COPB1: variants seen among roughly 807,000 people sequenced by gnomAD.
COPB1 encodes the protein coat protein complex I subunit beta 1, also known as coatomer subunit beta.
A neutral mutation model predicts 108.7 loss-of-function variants in COPB1; 21 were observed. That is an observed-to-expected ratio of 0.19 (90% CI 0.14 to 0.28). COPB1 has a LOEUF of 0.28. COPB1 is among the 10% of genes least tolerant of loss of function. The pLI is 1.00. For missense variants in COPB1, 919 were observed against 1,141.3 expected, an observed-to-expected ratio of 0.81 and a Z score of 2.81; for synonymous variants, 378 against 386.8, an observed-to-expected ratio of 0.98 and a Z score of 0.27.
At chr11:14,470,243 T>A (rs889249530) in intron 14 of COPB1, among the ~76,000 whole-genome samples, 1 of 152,246 alleles carries the variant, frequency 6.6e-6, no homozygotes, top group Non-Finnish European at 1.5e-5. Flanking sequence ...TTTAAAGAAC[T>A]GAGGCCAGTT....
rs796527212 is a variant in COPB1, at chr11:14,476,852, T to C, written c.1455+67A>G. 8.2e-6 allele frequency: 8 copies of C among 970,346 alleles called. No individual in the cohort carries two copies. In the African/African-American group the frequency reaches 9.9e-5, roughly 12 times the overall value. 60.1% of individuals were successfully genotyped at this position (970,346 alleles called of 1,614,324 possible). On this transcript the variant is annotated intron_variant, in intron 12 of 21. Coordinates refer to ENST00000439561, the MANE Select transcript of COPB1 (RefSeq NM_001144061.2). ...TGTAAATAATGTAAGCAAATCACTA[T>C]AAAAAGTCAGATTTTCCTAAAGGAA... is the stretch of plus-strand genomic sequence containing the variant.
At chr11:14,468,894 T>C (rs1476220529) in intron 15 of COPB1, 34 bp from the exon 16 acceptor site, 3 of 1,567,464 alleles carry the variant, frequency 1.9e-6, no homozygotes, top group African/African-American at 1.4e-5. Context: ...CTCTCTTTAA[T>C]ATGAAAAGAT....
At chr11:14,485,048 T>C (rs1850740585) in intron 7 of COPB1, among the ~76,000 whole-genome samples, 1 of 152,222 alleles carries the variant, frequency 6.6e-6, no homozygotes, top group Admixed American at 6.5e-5. Flanking sequence ...TCTCACTGTT[T>C]CACCTAGGCT....
In COPB1 at chr11:14,461,094, T is replaced by G; in HGVS notation, c.2556+92A>C. The G allele has an allele frequency of 3.3e-6, 5 of 1,511,742 alleles. No individual in the cohort carries two copies. In the South Asian group the frequency reaches 5.8e-5, roughly 18 times the overall value. 93.6% of individuals were successfully genotyped at this position (1,511,742 alleles called of 1,614,324 possible). On this transcript the variant is annotated intron_variant, in intron 19 of 21. Coordinates refer to ENST00000439561, the MANE Select transcript of COPB1 (RefSeq NM_001144061.2). ...CTATTTGCTTTTCATGTTAAACACTTTTTAGCGAGATTAATTTTATTAGCA... is the reference window on the plus strand; with the variant it reads ...CTATTTGCTTTTCATGTTAAACACTGTTTAGCGAGATTAATTTTATTAGCA...
At chr11:14,489,939 A>G (rs960440713) in intron 5 of COPB1, among the ~76,000 whole-genome samples, 5 of 152,184 alleles carry the variant, frequency 3.3e-5, no homozygotes, top group Non-Finnish European at 5.9e-5. Flanking sequence ...GATCTGGGGG[A>G]AAAAAGTCAC....
At chr11:14,493,000 G>T (rs1045811658) in intron 4 of COPB1, among the ~76,000 whole-genome samples, 1 of 152,056 alleles carries the variant, frequency 6.6e-6, no homozygotes, top group African/African-American at 2.4e-5. Context: ...ACAAAAATTG[G>T]CTGGGCGTGG....
At chr11:14,461,143 G>A (rs769671425) in intron 19 of COPB1, 43 bp downstream of exon 19, 1 of 1,612,506 alleles carries the variant, frequency 6.2e-7, no homozygotes, top group Admixed American at 1.7e-5. Flanking sequence ...CAGGCAAAAG[G>A]AAGAAAGATA....
At chr11:14,463,801 T>C (rs1010698024) in intron 18 of COPB1, among the ~76,000 whole-genome samples, 1 of 152,214 alleles carries the variant, frequency 6.6e-6, no homozygotes, top group African/African-American at 2.4e-5. Context: ...AAACCTAATC[T>C]GGAAATCTGA....
At chr11:14,489,038 C>T (rs902454277) in intron 5 of COPB1, among the ~76,000 whole-genome samples, 4 of 152,166 alleles carry the variant, frequency 2.6e-5, no homozygotes, top group Admixed American at 6.5e-5. Context: ...TTTCTGATTA[C>T]GCCCCTCAAT....
chr11:14,490,461 A>AACTATAAACAAAATTACTG, intron 5 of COPB1, 104 bp downstream of exon 5: 1 of 624,914 alleles, frequency 1.6e-6, no homozygotes, highest in Non-Finnish European at 2.6e-6. Context: ...AAACCACATG[A>AACTATAAACAAAATTACTG]ACTATAAACA....
At chr11:14,480,133 C>A (rs896842109) in intron 10 of COPB1, among the ~76,000 whole-genome samples, 1 of 152,094 alleles carries the variant, frequency 6.6e-6, no homozygotes, top group Non-Finnish European at 1.5e-5. Flanking sequence ...TTCAAATACA[C>A]AACAAAATGT....
chr11:14,497,831 A>G (rs1008022583), intron 2 of COPB1, among the ~76,000 whole-genome samples: 1 of 152,250 alleles, frequency 6.6e-6, no homozygotes, highest in Non-Finnish European at 1.5e-5. Flanking sequence ...AAAATGTGGT[A>G]CATATACACA....
intron 17 of COPB1, among the ~76,000 whole-genome samples, chr11:14,465,864 A>G (rs1850270118): frequency 6.6e-6 from 1 of 152,026 alleles, no homozygotes; most frequent in Admixed American, 6.6e-5. Flanking sequence ...AAAAAAATGC[A>G]TCTCATATTG....
intron 21 of COPB1, 91 bp downstream of exon 21, chr11:14,458,440 TA>T: frequency 7.8e-7 from 1 of 1,279,054 alleles, no homozygotes; most frequent in Non-Finnish European, 1.1e-6. Context: ...CATCTAATGC[TA>T]AAAAGATACT....
intron 14 of COPB1, among the ~76,000 whole-genome samples, chr11:14,471,305 A>G (rs767566244): frequency 7.2e-5 from 11 of 152,226 alleles, no homozygotes; most frequent in Non-Finnish European, 1.6e-4. Context: ...TCTTGTACCA[A>G]ACAGTGCAAA....
In COPB1 at chr11:14,479,715, CT is replaced by C. The variant is rs754089007; in HGVS notation, c.1213-2del. 2.0e-6 allele frequency: 3 copies of C among 1,482,850 alleles called. No individual in the cohort carries two copies. The highest frequency in any genetic ancestry group is 1.4e-5 in the South Asian group (1 of 71,944). 91.9% of individuals were successfully genotyped at this position (1,482,850 alleles called of 1,614,324 possible). A position where few individuals can be genotyped will look rare whatever the true frequency, so the allele number is the denominator to read the frequency against. ...TGTTGTCACTGAGAAATTCCATTAA[CT>C]AAAAGAAAAAAAAAAAAAAGAAAAT... On this transcript the variant is annotated splice_acceptor_variant, in intron 10 of 21. Transcript: ENST00000439561. LOFTEE classifies it high-confidence loss of function.
chr11:14,458,575 T>C lies in COPB1; in HGVS notation c.2759A>G (p.Asp920Gly), dbSNP rs199563871. 36 of 1,613,594 alleles carry C rather than the reference T, an allele frequency of 2.2e-5. No homozygotes were observed. In the African/African-American group the frequency reaches 4.5e-4, roughly 20 times the overall value. ...SIEKPIHQGP[D>G]AAVTGHIRIR... is the part of the protein sequence containing the mutation. Reference sequence around the variant, plus strand: ...TCTTATATGGCCGGTAACAGCAGCATCTGGTCCCTGGTGAATTGGCTTCTC... The same window carrying C: ...TCTTATATGGCCGGTAACAGCAGCACCTGGTCCCTGGTGAATTGGCTTCTC... Residue 920 changes from aspartate to glycine, a missense_variant, in exon 21 of 22, where the codon GAT becomes GGT. Asp to Gly is a moderately conservative substitution (Grantham distance 94, BLOSUM62 -1). Coordinates refer to ENST00000439561, the MANE Select transcript of COPB1 (RefSeq NM_001144061.2).
At chr11:14,497,724 A>G (rs1851055444) in intron 2 of COPB1, among the ~76,000 whole-genome samples, 1 of 152,214 alleles carries the variant, frequency 6.6e-6, no homozygotes, top group Admixed American at 6.5e-5. Context: ...GAGTACATCA[A>G]AGAGATATCT....
chr11:14,479,511 A>C, intron 11 of COPB1, 58 bp downstream of exon 11: 1 of 1,502,162 alleles, frequency 6.7e-7, no homozygotes, highest in Admixed American at 2.1e-5. Context: ...GACCCTTTAA[A>C]GATAAAAACT....
Sources: allele counts gnomAD v4.1 joint callset (sites outside exome capture counted in the v4.1 genomes callset), GRCh38; gene constraint gnomAD v4.1.1; transcripts MANE v1.5; gene names NCBI Gene and HGNC (gene_info 2026-07-23, HGNC 2026-07-21).